The following LHFPL6 variants were observed in gnomAD, a reference collection of about 807,000 sequenced individuals.
The protein encoded by LHFPL6 is LHFPL tetraspan subfamily member 6, also known as LHFPL tetraspan subfamily member 6 protein.
Under a neutral mutation model 20.6 loss-of-function variants are expected in LHFPL6, and 9 were observed. The ratio of observed to expected loss-of-function variants is 0.44; its 90% confidence interval spans 0.26 to 0.76. LHFPL6 has a LOEUF of 0.76. Among genes scored for constraint, LHFPL6 ranks in the 30% least tolerant of loss-of-function variants. The pLI, the probability that LHFPL6 is intolerant of heterozygous loss-of-function variation, is 0.20. For synonymous variants in LHFPL6, 105 were observed against 98.7 expected (o/e 1.06, Z -0.38); for missense variants, 218 against 253.5 (o/e 0.86, Z 0.95).
chr13:39,564,730 G>A (rs1009573718), intron 2 of LHFPL6, among the ~76,000 whole-genome samples: 3 of 152,170 alleles, frequency 2.0e-5, no homozygotes, highest in African/African-American at 4.8e-5. Context: ...GAAGAATTAA[G>A]TTTGCTTATT....
chr13:39,600,874 T>C lies in LHFPL6; in HGVS notation c.343A>G (p.Arg115Gly), dbSNP rs1872917061. ...CCTCCAGCCACTCTTCCCACTGTCC[T>C]GGAGATGAGGTCGGAAACACAGCAA... is the stretch of plus-strand genomic sequence containing the variant. ...MGCCVSDLIS[R>G]TVGRVAGGIQ... is the part of the protein sequence containing the mutation. Residue 115 changes from arginine (R) to glycine (G), a missense_variant, in exon 2 of 4, where the codon AGG becomes GGG. Transcript: ENST00000379589. 6 of 1,536,024 alleles carry C rather than the reference T, an allele frequency of 3.9e-6. No individual in the cohort carries two copies. In the South Asian group the frequency reaches 5.1e-5, roughly 13 times the overall value.
At chr13:39,433,650 A>G (rs190778945) in intron 2 of LHFPL6, among the ~76,000 whole-genome samples, 1 of 152,338 alleles carries the variant, frequency 6.6e-6, no homozygotes, top group Non-Finnish European at 1.5e-5. Flanking sequence ...CAAGAATCCA[A>G]TATGACACTG....
rs570027657 is a variant in LHFPL6 at position 39,472,809 on chromosome 13, C to A, written c.386-94283G>T. On this transcript the variant is annotated intron_variant, in intron 2 of 3. Transcript: ENST00000379589. Reference sequence around the variant, plus strand: ...TTTTTATTAGAGATATGGGGTTTCACCAGGTTGGCCAGGCTAGTCTCGAAC... The same window carrying A: ...TTTTTATTAGAGATATGGGGTTTCAACAGGTTGGCCAGGCTAGTCTCGAAC... 3.3e-5 allele frequency among the ~76,000 whole-genome samples: 5 copies of A among 152,216 alleles called. No homozygotes were observed. The South Asian group carries it at 1.0e-3, about 32-fold the overall frequency.
chr13:39,563,370 A>G (rs894941254), intron 2 of LHFPL6, among the ~76,000 whole-genome samples: 2 of 152,218 alleles, frequency 1.3e-5, no homozygotes, highest in Non-Finnish European at 2.9e-5. Context: ...CTAAATCTGC[A>G]GATGACAGAA....
chr13:39,414,252 AAAT>A (rs1478835169), intron 2 of LHFPL6, among the ~76,000 whole-genome samples: 11 of 152,228 alleles, frequency 7.2e-5, no homozygotes, highest in Admixed American at 7.2e-4. Flanking sequence ...CAAGCTCAAT[AAAT>A]AATGTTATGA....
chr13:39,589,846 A>G (rs1199982523), intron 2 of LHFPL6, among the ~76,000 whole-genome samples: 1 of 152,164 alleles, frequency 6.6e-6, no homozygotes, highest in Admixed American at 6.5e-5. Context: ...ATTCTCCCCA[A>G]ATGGCCTCTC....
intron 2 of LHFPL6, among the ~76,000 whole-genome samples, chr13:39,510,138 CGTA>C (rs1187956047): frequency 6.6e-6 from 1 of 152,138 alleles, no homozygotes; most frequent in African/African-American, 2.4e-5. Flanking sequence ...AACAATGAGG[CGTA>C]ATGATAAATA....
chr13:39,466,158 ATTTAGTAAATC>A (rs1269091019), intron 2 of LHFPL6, among the ~76,000 whole-genome samples: 1 of 152,116 alleles, frequency 6.6e-6, no homozygotes, highest in Non-Finnish European at 1.5e-5. Flanking sequence ...TGGGGACATG[ATTTAGTAAATC>A]TTAAAAACGT....
In LHFPL6 at chr13:39,493,450, G is replaced by A. The variant is rs772675587; in HGVS notation, c.385+107382C>T. Among the ~76,000 whole-genome samples, 7 of 152,218 alleles carry A rather than the reference G, an allele frequency of 4.6e-5. No homozygotes were observed. In the East Asian group the frequency reaches 7.7e-4, roughly 17 times the overall value. ...ATAAAAGAATCATAAATTATGTCAC[G>A]TGAATTTTATAACACATGTAAAAGT... On this transcript the variant is annotated intron_variant, in intron 2 of 3. Transcript: ENST00000379589.
chr13:39,416,967 T>G (rs188297499), intron 2 of LHFPL6, among the ~76,000 whole-genome samples: 2 of 152,314 alleles, frequency 1.3e-5, no homozygotes. Context: ...CATGAACATG[T>G]TTTTGTTTTA....
intron 2 of LHFPL6, among the ~76,000 whole-genome samples, chr13:39,460,258 C>T (rs1043806096): frequency 6.6e-6 from 1 of 152,094 alleles, no homozygotes; most frequent in Non-Finnish European, 1.5e-5. Context: ...AGTTAAGGTT[C>T]AAGAATACAA....
intron 2 of LHFPL6, among the ~76,000 whole-genome samples, chr13:39,486,273 T>A (rs145556995): frequency 2.6e-3 from 394 of 152,306 alleles, no homozygotes; most frequent in African/African-American, 8.6e-3. Flanking sequence ...CTCCATTGTA[T>A]CAGGAGATTT....
At chr13:39,407,525 T>G (rs1200036348) in intron 2 of LHFPL6, among the ~76,000 whole-genome samples, 1 of 152,212 alleles carries the variant, frequency 6.6e-6, no homozygotes, top group Non-Finnish European at 1.5e-5. Flanking sequence ...AATTGAAAAC[T>G]GGAAGAATTA....
intron 2 of LHFPL6, among the ~76,000 whole-genome samples, chr13:39,562,409 C>CATATACACATATACAT (rs1555268239): frequency 0.025 from 2,482 of 101,016 alleles, 233 homozygotes; most frequent in East Asian, 0.059. Context: ...CATATATACA[C>CATATACACATATACAT]ATATACACAT....
intron 2 of LHFPL6, among the ~76,000 whole-genome samples, chr13:39,380,869 T>C (rs1021497038): frequency 7.2e-5 from 11 of 152,102 alleles, no homozygotes; most frequent in African/African-American, 2.4e-4. Context: ...ATGCTCCTTA[T>C]GAGAATCTAA....
At chr13:39,573,522 A>G (rs573048192) in intron 2 of LHFPL6, among the ~76,000 whole-genome samples, 1 of 152,324 alleles carries the variant, frequency 6.6e-6, no homozygotes, top group Non-Finnish European at 1.5e-5. Context: ...CCTAAGGAAA[A>G]GCAGCCATAG....
intron 1 of LHFPL6, among the ~76,000 whole-genome samples, chr13:39,602,518 G>A (rs1384824240): frequency 1.3e-4 from 20 of 152,256 alleles, no homozygotes; most frequent in Non-Finnish European, 2.6e-4. Context: ...CCTGCGGGCA[G>A]GGGGCCCCCA....
intron 2 of LHFPL6, among the ~76,000 whole-genome samples, chr13:39,551,848 C>T (rs1273980233): frequency 6.6e-6 from 1 of 151,828 alleles, no homozygotes; most frequent in African/African-American, 2.4e-5. Context: ...AGTCAAGTTT[C>T]GACATCTGAA....
intron 2 of LHFPL6, among the ~76,000 whole-genome samples, chr13:39,503,317 C>T (rs924043645): frequency 6.6e-6 from 1 of 152,164 alleles, no homozygotes; most frequent in Non-Finnish European, 1.5e-5. Context: ...GCCTCTAACA[C>T]GTTTCTTCCA....
Sources: gnomAD v4.1 joint callset for allele counts (sites outside exome capture counted in the v4.1 genomes callset) on GRCh38, gnomAD v4.1.1 for gene constraint, MANE v1.5 for transcripts, NCBI Gene and HGNC (gene_info 2026-07-23, HGNC 2026-07-21) for gene names.